Variants in ERBB4 observed in about 807,000 individuals in gnomAD.
The protein encoded by ERBB4 is erb-b2 receptor tyrosine kinase 4, also known as receptor tyrosine-protein kinase erbB-4.
In ERBB4, 42 loss-of-function variants were observed where a neutral mutation model predicts 158.0. The observed-to-expected ratio is 0.27, with a 90% CI of 0.21 to 0.34. The LOEUF is 0.34. Among genes scored for constraint, ERBB4 ranks in the 10% least tolerant of loss-of-function variants. ERBB4 has a pLI of 1.00. For missense variants in ERBB4, 1,333 were observed against 1,624.1 expected, an observed-to-expected ratio of 0.82 and a Z score of 3.08; for synonymous variants, 583 against 558.7, an observed-to-expected ratio of 1.04 and a Z score of -0.61.
At chr2:211,678,375 G>A (rs1177234944) in intron 13 of ERBB4, among the ~76,000 whole-genome samples, 1 of 150,538 alleles carries the variant, frequency 6.6e-6, no homozygotes, top group Non-Finnish European at 1.5e-5. Context: ...AGAAGTATGA[G>A]AGGAAAATAA....
chr2:211,417,404 G>A (rs2063417990), intron 25 of ERBB4, among the ~76,000 whole-genome samples: 1 of 152,186 alleles, frequency 6.6e-6, no homozygotes, highest in Admixed American at 6.5e-5. Context: ...AGCTTGGCAT[G>A]TGGAGGTTGC....
At chr2:211,521,316 T>A (rs1269878336) in intron 20 of ERBB4, among the ~76,000 whole-genome samples, 3 of 152,170 alleles carry the variant, frequency 2.0e-5, no homozygotes, top group Non-Finnish European at 4.4e-5. Flanking sequence ...AAGATCATTT[T>A]AGTGGTCTAG....
intron 1 of ERBB4, among the ~76,000 whole-genome samples, chr2:212,273,587 T>C (rs2085418807): frequency 6.6e-6 from 1 of 151,780 alleles, no homozygotes; most frequent in South Asian, 2.1e-4. Context: ...ATTTTAAAGA[T>C]GAAGAAATTC....
chr2:212,395,315 A>G (rs566292427), intron 1 of ERBB4, among the ~76,000 whole-genome samples: 7 of 152,200 alleles, frequency 4.6e-5, no homozygotes, highest in African/African-American at 1.7e-4. Flanking sequence ...AGGTGAAAGA[A>G]TAGGGAGGAA....
chr2:212,169,054 T>C (rs1395040787), intron 1 of ERBB4, among the ~76,000 whole-genome samples: 5 of 152,182 alleles, frequency 3.3e-5, no homozygotes, highest in African/African-American at 1.2e-4. Context: ...GAATAAGGTA[T>C]AGTCATTTAT....
intron 2 of ERBB4, among the ~76,000 whole-genome samples, chr2:212,121,253 A>G (rs1388823651): frequency 6.6e-6 from 1 of 152,168 alleles, no homozygotes; most frequent in East Asian, 1.9e-4. Flanking sequence ...TGTTTTTGAG[A>G]CGGAGTCTCG....
At chr2:211,828,984 T>C (rs937605551) in intron 3 of ERBB4, among the ~76,000 whole-genome samples, 2 of 152,206 alleles carry the variant, frequency 1.3e-5, no homozygotes, top group African/African-American at 4.8e-5. Flanking sequence ...TCCTTCTTTA[T>C]TGAGAGAAAC....
intron 1 of ERBB4, among the ~76,000 whole-genome samples, chr2:212,496,721 A>T (rs1690594668): frequency 6.6e-6 from 1 of 152,208 alleles, no homozygotes; most frequent in Admixed American, 6.5e-5. Flanking sequence ...GTGAGTCGTC[A>T]AGAGTATCTA....
intron 3 of ERBB4, among the ~76,000 whole-genome samples, chr2:211,812,453 G>A (rs545613880): frequency 1.3e-5 from 2 of 152,246 alleles, no homozygotes; most frequent in East Asian, 1.9e-4. Context: ...GGTGTTAGTC[G>A]GCCCCTACTG....
chr2:211,992,201 C>A (rs1349820657), intron 2 of ERBB4, among the ~76,000 whole-genome samples: 2 of 152,002 alleles, frequency 1.3e-5, no homozygotes, highest in Non-Finnish European at 2.9e-5. Context: ...ACACCAGAGA[C>A]TGGGAAGAAA....
At position 211,384,768 on chromosome 2, in the gene ERBB4, A is replaced by G. The variant is rs559553603; in HGVS notation, c.3482-708T>C. Among the ~76,000 whole-genome samples, 35 of 152,288 alleles carry G rather than the reference A, an allele frequency of 2.3e-4. No individual in the cohort carries two copies. In the East Asian group the frequency reaches 6.0e-3, roughly 26 times the overall value. ...ATTTCCATTGACCAATCATAATCAC[A>G]AAGTAGCAAACTATCAGCTTGAATT... On this transcript the variant is annotated intron_variant, in intron 27 of 27. Transcript: ENST00000342788.
At chr2:211,728,904 T>C (rs2074352702) in intron 5 of ERBB4, among the ~76,000 whole-genome samples, 1 of 151,824 alleles carries the variant, frequency 6.6e-6, no homozygotes, top group Non-Finnish European at 1.5e-5. Flanking sequence ...ATTACAATGA[T>C]AAGACAAGTA....
intron 12 of ERBB4, among the ~76,000 whole-genome samples, chr2:211,692,593 C>G (rs1237892650): frequency 2.0e-5 from 3 of 152,052 alleles, no homozygotes; most frequent in Non-Finnish European, 4.4e-5. Flanking sequence ...TTTAAAGACC[C>G]CTTTGGCGTT....
At chr2:212,131,136 T>C (rs2080094606) in intron 1 of ERBB4, among the ~76,000 whole-genome samples, 1 of 152,168 alleles carries the variant, frequency 6.6e-6, no homozygotes, top group Non-Finnish European at 1.5e-5. Flanking sequence ...GTTATCTCTA[T>C]GTTCAAAATA....
At chr2:212,427,493 G>A (rs376061655) in intron 1 of ERBB4, among the ~76,000 whole-genome samples, 52 of 152,260 alleles carry the variant, frequency 3.4e-4, no homozygotes, top group African/African-American at 1.1e-3. Flanking sequence ...CACATTGGAA[G>A]TGGAAATAAT....
At chr2:211,590,605 T>A (rs1043104723) in intron 19 of ERBB4, among the ~76,000 whole-genome samples, 2 of 151,732 alleles carry the variant, frequency 1.3e-5, no homozygotes, top group Admixed American at 6.6e-5. Context: ...CAACCAGCAC[T>A]CCCCAACTCA....
chr2:212,109,056 T>A (rs1219864328), intron 2 of ERBB4, among the ~76,000 whole-genome samples: 2 of 152,146 alleles, frequency 1.3e-5, no homozygotes, highest in Non-Finnish European at 2.9e-5. Context: ...AGAATGTTGG[T>A]AATAATGACA....
intron 1 of ERBB4, among the ~76,000 whole-genome samples, chr2:212,286,767 A>ATTTTTTTTGTTTTT (rs2085995541): frequency 2.5e-5 from 1 of 39,562 alleles, no homozygotes; most frequent in Non-Finnish European, 4.2e-5. Flanking sequence ...ATGAGGGTTA[A>ATTTTTTTTGTTTTT]TTTTTTTTTT....
intron 3 of ERBB4, among the ~76,000 whole-genome samples, chr2:211,937,497 A>G (rs2125112606): frequency 6.6e-6 from 1 of 152,254 alleles, no homozygotes; most frequent in Admixed American, 6.5e-5. Flanking sequence ...CCATTCTCAC[A>G]TTGCTGCGAA....
Sources: gnomAD v4.1 joint callset for allele counts (sites outside exome capture counted in the v4.1 genomes callset) on GRCh38, gnomAD v4.1.1 for gene constraint, MANE v1.5 for transcripts, NCBI Gene and HGNC (gene_info 2026-07-23, HGNC 2026-07-21) for gene names.